Variants in TBC1D19 observed in about 807,000 individuals in gnomAD.
TBC1D19 encodes TBC1 domain family, member 19.
TBC1D19 carries 60 observed loss-of-function variants against 89.0 expected under a neutral mutation model. The ratio of observed to expected loss-of-function variants is 0.67; its 90% CI spans 0.55 to 0.84. TBC1D19 has a LOEUF of 0.84. Among genes scored for constraint, TBC1D19 ranks in the 40% least tolerant of loss-of-function variants. TBC1D19 has a pLI of 0.00. For synonymous variants in TBC1D19, 189 were observed against 199.7 expected (o/e 0.95, Z 0.45); for missense variants, 500 against 610.8 (o/e 0.82, Z 1.91).
At chr4:26,750,015 A>T (rs1386579597) in intron 19 of TBC1D19, among the ~76,000 whole-genome samples, 1 of 152,214 alleles carries the variant, frequency 6.6e-6, no homozygotes, top group Non-Finnish European at 1.5e-5. Flanking sequence ...AACTTTTTCT[A>T]AACATTGTTC....
chr4:26,625,522 A>G (rs1057084876), intron 4 of TBC1D19, among the ~76,000 whole-genome samples: 2 of 152,148 alleles, frequency 1.3e-5, no homozygotes, highest in Admixed American at 6.6e-5. Flanking sequence ...TATGAACTTA[A>G]GTCCGTAGTT....
chr4:26,620,467 A>G, intron 3 of TBC1D19, 146 bp from the exon 4 acceptor site: 6 of 646,984 alleles, frequency 9.3e-6, no homozygotes, highest in South Asian at 4.8e-5. Context: ...TGACTACATC[A>G]ATCTATTTTC....
At chr4:26,643,810 T>G (rs577916633) in intron 7 of TBC1D19, among the ~76,000 whole-genome samples, 1 of 152,102 alleles carries the variant, frequency 6.6e-6, no homozygotes, top group Non-Finnish European at 1.5e-5. Flanking sequence ...TCTGCACAAA[T>G]AAACTAGAAA....
intron 7 of TBC1D19, among the ~76,000 whole-genome samples, chr4:26,655,127 T>C (rs2109059016): frequency 6.6e-6 from 1 of 152,338 alleles, no homozygotes; most frequent in South Asian, 2.1e-4. Context: ...TGGAGTTTGC[T>C]GGAGGTCCAC....
the TBC1D19 span, among the ~76,000 whole-genome samples, chr4:26,790,401 G>C: frequency 6.6e-6 from 1 of 152,146 alleles, no homozygotes. Context: ...TGAGAAGTTA[G>C]GGTGAGTTTT....
chr4:26,635,100 T>G (rs1347431309), intron 4 of TBC1D19, among the ~76,000 whole-genome samples: 1 of 152,146 alleles, frequency 6.6e-6, no homozygotes. Flanking sequence ...TTCCTTATAA[T>G]AGGATAAATA....
chr4:26,636,084 CTGT>C (rs1743101954), intron 4 of TBC1D19, among the ~76,000 whole-genome samples: 1 of 151,966 alleles, frequency 6.6e-6, no homozygotes, highest in Non-Finnish European at 1.5e-5. Flanking sequence ...TATAAGGGAA[CTGT>C]TGTTATTATT....
the TBC1D19 span, among the ~76,000 whole-genome samples, chr4:26,849,531 C>G: frequency 6.6e-6 from 1 of 152,020 alleles, no homozygotes; most frequent in African/African-American, 2.4e-5. Flanking sequence ...CTATTTTTAC[C>G]CTGATTATCA....
chr4:26,653,630 G>GC (rs1183763740), intron 7 of TBC1D19, among the ~76,000 whole-genome samples: 10 of 152,066 alleles, frequency 6.6e-5, no homozygotes, highest in Admixed American at 6.6e-4. Flanking sequence ...TTATGTAATG[G>GC]CCTTCTTTGT....
At chr4:26,765,727 C>T in the TBC1D19 span, among the ~76,000 whole-genome samples, 13 of 152,238 alleles carry the variant, frequency 8.5e-5, no homozygotes, top group East Asian at 2.5e-3. Context: ...GCTTCTTAGA[C>T]AGCAGGAGTT....
chr4:26,658,759 G>T (rs1025969486), intron 7 of TBC1D19, among the ~76,000 whole-genome samples: 1 of 152,016 alleles, frequency 6.6e-6, no homozygotes, highest in East Asian at 1.9e-4. Context: ...CTCTTATTTC[G>T]TTGAGCAGTG....
At chr4:26,605,621 A>T (rs192399669) in intron 1 of TBC1D19, among the ~76,000 whole-genome samples, 2 of 152,256 alleles carry the variant, frequency 1.3e-5, no homozygotes, top group African/African-American at 4.8e-5. Flanking sequence ...TCCCTGAGGA[A>T]TCGCCACACT....
At chr4:26,627,989 A>G (rs1379754130) in intron 4 of TBC1D19, among the ~76,000 whole-genome samples, 1 of 152,134 alleles carries the variant, frequency 6.6e-6, no homozygotes, top group Non-Finnish European at 1.5e-5. Flanking sequence ...GGTAATGCCT[A>G]GGTTTTCTTC....
At chr4:26,848,922 G>T in the TBC1D19 span, among the ~76,000 whole-genome samples, 4 of 152,272 alleles carry the variant, frequency 2.6e-5, no homozygotes, top group South Asian at 6.2e-4. Context: ...GCTGGGTGTG[G>T]TGTCTCACAC....
the TBC1D19 span, among the ~76,000 whole-genome samples, chr4:26,839,212 A>G: frequency 6.6e-6 from 1 of 151,876 alleles, no homozygotes; most frequent in African/African-American, 2.4e-5. Flanking sequence ...TTTTTTCCTT[A>G]AACTTGCCAT....
intron 9 of TBC1D19, among the ~76,000 whole-genome samples, chr4:26,671,697 G>C (rs1295111244): frequency 6.6e-6 from 1 of 151,760 alleles, no homozygotes; most frequent in African/African-American, 2.4e-5. Context: ...TGGTAGATTG[G>C]AGTGGAAGTA....
the TBC1D19 span, among the ~76,000 whole-genome samples, chr4:26,840,226 T>C: frequency 6.6e-6 from 1 of 152,182 alleles, no homozygotes; most frequent in African/African-American, 2.4e-5. Context: ...GGATTACATG[T>C]GCCCACCATC....
At chr4:26,839,574 C>CT in the TBC1D19 span, among the ~76,000 whole-genome samples, 4 of 150,980 alleles carry the variant, frequency 2.6e-5, no homozygotes, top group Admixed American at 6.6e-5. Flanking sequence ...TTTCCATCAC[C>CT]CCCCCGCCCT....
At chr4:26,703,187 T>G (rs758489473) in intron 13 of TBC1D19, among the ~76,000 whole-genome samples, 1 of 152,244 alleles carries the variant, frequency 6.6e-6, no homozygotes, top group East Asian at 1.9e-4. Context: ...TTGGGAATTA[T>G]GTAAAAATAA....
Sources: gnomAD v4.1 joint callset for allele counts (sites outside exome capture counted in the v4.1 genomes callset) on GRCh38, gnomAD v4.1.1 for gene constraint, MANE v1.5 for transcripts, NCBI Gene and HGNC (gene_info 2026-07-23, HGNC 2026-07-21) for gene names.